The following FEV variants were observed in gnomAD, a reference collection of about 807,000 sequenced individuals.
FEV encodes the protein protein FEV.
Under a neutral mutation model 20.5 loss-of-function variants are expected in FEV, and 14 were observed. That is an observed-to-expected ratio of 0.68 (90% CI 0.45 to 1.07). The LOEUF (loss-of-function observed/expected upper bound fraction) is 1.07, where lower values mean the gene tolerates loss of function less well. FEV is among the 50% of genes least tolerant of loss of function. The probability of loss-of-function intolerance (pLI) is 0.00; values close to 1 mark genes in which losing one functional copy is unlikely to be tolerated. For synonymous variants in FEV, 188 were observed against 163.7 expected, an observed-to-expected ratio of 1.15 and a Z score of -1.13; for missense variants, 301 against 345.3, an observed-to-expected ratio of 0.87 and a Z score of 1.02.
rs1945422964 is a variant in FEV at position 218,984,721 on chromosome 2, ACT to A, written c.52+301_52+302del. On this transcript the variant is annotated intron_variant, in intron 1 of 2. Transcript: ENST00000295727. This position sits in a 1 kb window ranked among gnomAD's most constrained non-coding sequence, Gnocchi z 5.0. Reference sequence around the variant, plus strand: ...TTCTGGTACGGCTCGGCCACAGAGTACTCCACCACGCCAGAGACCCGTGCTTC... The same window carrying A: ...TTCTGGTACGGCTCGGCCACAGAGTACCACCACGCCAGAGACCCGTGCTTC... Among the ~76,000 whole-genome samples the A allele has an allele frequency of 6.6e-6, 1 of 151,588 alleles. No homozygotes were observed. Among genetic ancestry groups the A allele is most frequent in the Non-Finnish European group, 1.5e-5 (1 of 67,898 alleles).
In FEV at chr2:218,981,706, G is replaced by A; in HGVS notation, c.678C>T (p.Ala226=). Residue 226 remains alanine (A), a synonymous_variant, in exon 3 of 3, where the codon GCC becomes GCT. Transcript: ENST00000295727. The surrounding 1 kb of genome is among the most constrained non-coding windows in gnomAD (Gnocchi z 4.5). ...SLQPPPGPFG[A]VAAASHLGGH... ...CCCCCAAGTGCGAGGCTGCGGCCAC[G>A]GCCCCGAAGGGCCCGGGCGGGGGCT... The A allele has an allele frequency of 7.5e-7, 1 of 1,338,996 alleles. No homozygotes were observed. Among genetic ancestry groups the A allele is most frequent in the African/African-American group, 1.5e-5 (1 of 65,602 alleles). The allele number at this position is 1,338,996 out of a possible 1,614,324, so 82.9% of individuals were successfully genotyped here.
Position 218,984,292 on chromosome 2 carries a change from G to A in FEV, c.66C>T (p.Asp22=), listed in dbSNP as rs1298257923. ...INMYLPDPVG[D]GLFKDGKNPS... is the part of the protein sequence containing the mutation. ...GGTTCTTCCCGTCCTTGAAGAGACCGTCTCCGACGGGATCTGCAAGCAGCA... is the reference window on the plus strand; with the variant it reads ...GGTTCTTCCCGTCCTTGAAGAGACCATCTCCGACGGGATCTGCAAGCAGCA... Residue 22 remains aspartate, a synonymous_variant, in exon 2 of 3, where the codon GAC becomes GAT. Transcript: ENST00000295727. This position sits in a 1 kb window ranked among gnomAD's most constrained non-coding sequence, Gnocchi z 5.0. 9.4e-6 allele frequency: 15 copies of A among 1,596,996 alleles called. No homozygotes were observed. The highest frequency in any genetic ancestry group is 3.5e-5 in the Admixed American group (2 of 57,960).
Position 218,984,264 on chromosome 2 carries a change from T to A in FEV, c.94A>T (p.Ser32Cys), listed in dbSNP as rs553689168. ...ACCGCGGGGCTCAGCGGCCCCCAGCTCGGGTTCTTCCCGTCCTTGAAGAGA... is the reference window on the plus strand; with the variant it reads ...ACCGCGGGGCTCAGCGGCCCCCAGCACGGGTTCTTCCCGTCCTTGAAGAGA... ...DGLFKDGKNP[S>C]WGPLSPAVQK... The change falls in exon 2 of 3, where the codon AGC becomes TGC. Residue 32 changes from serine to cysteine, a missense_variant. Ser to Cys is a moderately radical substitution (Grantham distance 112). Coordinates refer to ENST00000295727, the MANE Select transcript of FEV (RefSeq NM_017521.3). The surrounding 1 kb of genome is among the most constrained non-coding windows in gnomAD (Gnocchi z 5.0). 6.2e-7 allele frequency: 1 copy of A among 1,602,284 alleles called. No individual in the cohort carries two copies. The highest frequency in any genetic ancestry group is 8.5e-7 in the Non-Finnish European group (1 of 1,174,908).
Position 218,984,464 on chromosome 2 carries a change from G to T in FEV, c.53-159C>A. 2 of 630,770 alleles carry T rather than the reference G, an allele frequency of 3.2e-6. No homozygotes were observed. The highest frequency in any genetic ancestry group is 5.4e-6 in the Non-Finnish European group (2 of 371,920). The allele number at this position is 630,770 out of a possible 1,614,324, so 39.1% of individuals were successfully genotyped here. ...CTCCTCCTCCCGGAGCCTGGTCCAG[G>T]CGCGCTGCGCGGAGCCCCTCCATAG... On this transcript the variant is annotated intron_variant, in intron 1 of 2. Transcript: ENST00000295727. This position sits in a 1 kb window ranked among gnomAD's most constrained non-coding sequence, Gnocchi z 5.0.
chr2:218,984,470 T>A lies in FEV; in HGVS notation c.53-165A>T. 3.3e-6 allele frequency: 2 copies of A among 603,688 alleles called. No individual in the cohort carries two copies. The highest frequency in any genetic ancestry group is 5.2e-5 in the South Asian group (2 of 38,510). 37.4% of individuals were successfully genotyped at this position (603,688 alleles called of 1,614,324 possible). ...CTCCCGGAGCCTGGTCCAGGCGCGCTGCGCGGAGCCCCTCCATAGAGCCCA... is the reference window on the plus strand; with the variant it reads ...CTCCCGGAGCCTGGTCCAGGCGCGCAGCGCGGAGCCCCTCCATAGAGCCCA... On this transcript the variant is annotated intron_variant, in intron 1 of 2. Coordinates refer to ENST00000295727, the MANE Select transcript of FEV (RefSeq NM_017521.3). The surrounding 1 kb of genome is among the most constrained non-coding windows in gnomAD (Gnocchi z 5.0).
intron 2 of FEV, among the ~76,000 whole-genome samples, chr2:218,983,662 G>C (rs770149042): frequency 1.3e-5 from 2 of 152,202 alleles, no homozygotes; most frequent in Non-Finnish European, 2.9e-5. Context: ...GACTGAGATG[G>C]GGACTGTGGG....
intron 2 of FEV, among the ~76,000 whole-genome samples, chr2:218,982,701 A>G (rs1264649931): frequency 6.6e-6 from 1 of 152,210 alleles, no homozygotes; most frequent in Non-Finnish European, 1.5e-5. Context: ...CTTGGGCAGA[A>G]TGATCGGACT....
chr2:218,985,112 CGGGGAA>C lies in FEV; in HGVS notation c.-43_-38del. On this transcript the variant is annotated 5_prime_UTR_variant, in exon 1 of 3. Transcript: ENST00000295727. ...ACTGGGCGGTGGGAGATGGGGGGGA[CGGGGAA>C]GGGGGGCGAGGCAGGCTTTGCGCTC... 2 of 1,082,998 alleles carry C rather than the reference CGGGGAA, an allele frequency of 1.8e-6. No individual in the cohort carries two copies. Among genetic ancestry groups the C allele is most frequent in the Non-Finnish European group, 1.3e-6 (1 of 761,760 alleles). 67.1% of individuals were successfully genotyped at this position (1,082,998 alleles called of 1,614,324 possible).
At position 218,984,563 on chromosome 2, in the gene FEV, C is replaced by T; in HGVS notation, c.53-258G>A. 4.6e-6 allele frequency: 2 copies of T among 431,852 alleles called. No homozygotes were observed. The allele number at this position is 431,852 out of a possible 1,614,324, so 26.8% of individuals were successfully genotyped here. A position where few individuals can be genotyped will look rare whatever the true frequency, so the allele number is the denominator to read the frequency against. On this transcript the variant is annotated intron_variant, in intron 1 of 2. Coordinates refer to ENST00000295727, the MANE Select transcript of FEV (RefSeq NM_017521.3). The surrounding 1 kb of genome is among the most constrained non-coding windows in gnomAD (Gnocchi z 5.0). ...AGGGGCCGGCTGGAGCCTTATAAAG[C>T]CGAGCGGGGAACTGCGCCAGCCGAG...
In FEV at chr2:218,981,892, G is replaced by T; in HGVS notation, c.492C>A (p.Pro164=). Residue 164 remains proline (P), a synonymous_variant, in exon 3 of 3, where the codon CCC becomes CCA. Coordinates refer to ENST00000295727, the MANE Select transcript of FEV (RefSeq NM_017521.3). The surrounding 1 kb of genome is among the most constrained non-coding windows in gnomAD (Gnocchi z 4.5). Reference sequence around the variant, plus strand: ...GGAAGGGCAGCGGGGCGAGGCCGGCGGGCAGCTTGTAGAGCGCGCCGTCCT... The same window carrying T: ...GGAAGGGCAGCGGGGCGAGGCCGGCTGGCAGCTTGTAGAGCGCGCCGTCCT... ...AAQDGALYKL[P]AGLAPLPFPG... 1 of 1,242,034 alleles carries T rather than the reference G, an allele frequency of 8.1e-7. No homozygotes were observed. The highest frequency in any genetic ancestry group is 1.0e-6 in the Non-Finnish European group (1 of 996,382). The allele number at this position is 1,242,034 out of a possible 1,614,324, so 76.9% of individuals were successfully genotyped here.
At position 218,984,554 on chromosome 2, in the gene FEV, C is replaced by A; in HGVS notation, c.53-249G>T. On this transcript the variant is annotated intron_variant, in intron 1 of 2. Coordinates refer to ENST00000295727, the MANE Select transcript of FEV (RefSeq NM_017521.3). This position sits in a 1 kb window ranked among gnomAD's most constrained non-coding sequence, Gnocchi z 5.0. ...GCTTTCCGAAGGGGCCGGCTGGAGC[C>A]TTATAAAGCCGAGCGGGGAACTGCG... 1 of 446,938 alleles carries A rather than the reference C, an allele frequency of 2.2e-6. No individual in the cohort carries two copies. The highest frequency in any genetic ancestry group is 4.0e-6 in the Non-Finnish European group (1 of 247,694). 27.7% of individuals were successfully genotyped at this position (446,938 alleles called of 1,614,324 possible). A position where few individuals can be genotyped will look rare whatever the true frequency, so the allele number is the denominator to read the frequency against.
Position 218,981,784 on chromosome 2 carries a change from G to A in FEV, c.600C>T (p.Pro200=). The A allele has an allele frequency of 7.9e-7, 1 of 1,264,316 alleles. No homozygotes were observed. Among genetic ancestry groups the A allele is most frequent in the Non-Finnish European group, 9.9e-7 (1 of 1,011,948 alleles). The allele number at this position is 1,264,316 out of a possible 1,614,324, so 78.3% of individuals were successfully genotyped here. A position where few individuals can be genotyped will look rare whatever the true frequency, so the allele number is the denominator to read the frequency against. ...CGGTGGCGGCGGCAGCGGTGGCGGC[G>A]GGGCCCGGGCCCGGCCAGTAGGAGA... ...AGFSYWPGPG[P]AATAAAATAA... The change falls in exon 3 of 3, where the codon CCC becomes CCT. Residue 200 remains proline (P), a synonymous_variant. Coordinates refer to ENST00000295727, the MANE Select transcript of FEV (RefSeq NM_017521.3). The surrounding 1 kb of genome is among the most constrained non-coding windows in gnomAD (Gnocchi z 4.5).
chr2:218,981,594 T>C lies in FEV; in HGVS notation c.*73A>G. ...ACGGTTGACGGAGGCTCCCGGGCCC[T>C]CCCCGGGATGCCGATGGGATCGGGC... On this transcript the variant is annotated 3_prime_UTR_variant, in exon 3 of 3. Transcript: ENST00000295727. This position sits in a 1 kb window ranked among gnomAD's most constrained non-coding sequence, Gnocchi z 4.5. 1.7e-6 allele frequency: 2 copies of C among 1,160,446 alleles called. No individual in the cohort carries two copies. Among genetic ancestry groups the C allele is most frequent in the East Asian group, 6.4e-5 (2 of 31,172 alleles). 71.9% of individuals were successfully genotyped at this position (1,160,446 alleles called of 1,614,324 possible).
At position 218,981,454 on chromosome 2, in the gene FEV, C is replaced by G; in HGVS notation, c.*213G>C. The G allele has an allele frequency of 2.5e-6, 1 of 404,394 alleles. No individual in the cohort carries two copies. The highest frequency in any genetic ancestry group is 4.3e-6 in the Non-Finnish European group (1 of 234,000). 25.1% of individuals were successfully genotyped at this position (404,394 alleles called of 1,614,324 possible). On this transcript the variant is annotated 3_prime_UTR_variant, in exon 3 of 3. Coordinates refer to ENST00000295727, the MANE Select transcript of FEV (RefSeq NM_017521.3). This position sits in a 1 kb window ranked among gnomAD's most constrained non-coding sequence, Gnocchi z 4.5. ...GTGAAAGAGGGCGCACATCGCCCTC[C>G]TCAGGGGACTGCGGGGTGGGACAGG...
Position 218,981,456 on chromosome 2 carries a change from C to T in FEV, c.*211G>A. On this transcript the variant is annotated 3_prime_UTR_variant, in exon 3 of 3. Transcript: ENST00000295727. The surrounding 1 kb of genome is among the most constrained non-coding windows in gnomAD (Gnocchi z 4.5). The stretch of plus-strand genomic sequence containing the variant: ...GAAAGAGGGCGCACATCGCCCTCCT[C>T]AGGGGACTGCGGGGTGGGACAGGAG... 2.5e-6 allele frequency: 1 copy of T among 405,848 alleles called. No individual in the cohort carries two copies. The highest frequency in any genetic ancestry group is 4.3e-6 in the Non-Finnish European group (1 of 235,216). 25.1% of individuals were successfully genotyped at this position (405,848 alleles called of 1,614,324 possible). A position where few individuals can be genotyped will look rare whatever the true frequency, so the allele number is the denominator to read the frequency against.
In FEV at chr2:218,984,491, G is replaced by A. The variant is rs974546443; in HGVS notation, c.53-186C>T. The A allele has an allele frequency of 2.5e-5, 13 of 512,086 alleles. No individual in the cohort carries two copies. Among genetic ancestry groups the A allele is most frequent in the Admixed American group, 2.5e-4 (7 of 27,746 alleles). The allele number at this position is 512,086 out of a possible 1,614,324, so 31.7% of individuals were successfully genotyped here. ...GCGCTGCGCGGAGCCCCTCCATAGA[G>A]CCCAAGTCAGGAAACGCGTCCAGGA... On this transcript the variant is annotated intron_variant, in intron 1 of 2. Transcript: ENST00000295727. The surrounding 1 kb of genome is among the most constrained non-coding windows in gnomAD (Gnocchi z 5.0).
chr2:218,984,712 CCA>C lies in FEV; in HGVS notation c.52+310_52+311del, dbSNP rs893213819. Among the ~76,000 whole-genome samples, 11 of 152,198 alleles carry C rather than the reference CCA, an allele frequency of 7.2e-5. No individual in the cohort carries two copies. The highest frequency in any genetic ancestry group is 1.5e-4 in the Non-Finnish European group (10 of 67,988). ...ACCACAGCCTTCTGGTACGGCTCGG[CCA>C]CAGAGTACTCCACCACGCCAGAGAC... On this transcript the variant is annotated intron_variant, in intron 1 of 2. Transcript: ENST00000295727. This position sits in a 1 kb window ranked among gnomAD's most constrained non-coding sequence, Gnocchi z 5.0.
At chr2:218,982,465 A>G (rs1200717570) in intron 2 of FEV, among the ~76,000 whole-genome samples, 3 of 152,198 alleles carry the variant, frequency 2.0e-5, no homozygotes, top group African/African-American at 7.2e-5. Flanking sequence ...CTTTTGCACA[A>G]TGGAAATGCG....
chr2:218,983,908 G>C (rs575625493), intron 2 of FEV, among the ~76,000 whole-genome samples: 1 of 152,234 alleles, frequency 6.6e-6, no homozygotes, highest in East Asian at 1.9e-4. Context: ...CTGGTGCTGC[G>C]GCCTTGAGCT....
Sources: allele counts gnomAD v4.1 joint callset (sites outside exome capture counted in the v4.1 genomes callset), GRCh38; gene constraint gnomAD v4.1.1; non-coding constraint Gnocchi (gnomAD v3.1); transcripts MANE v1.5; gene names NCBI Gene and HGNC (gene_info 2026-07-23, HGNC 2026-07-21).